Variants in HEPHL1 observed in about 807,000 individuals in gnomAD.
The protein encoded by HEPHL1 is hephaestin like 1, also known as ferroxidase HEPHL1.
Under a neutral mutation model 122.0 loss-of-function variants are expected in HEPHL1, and 123 were observed. The ratio of observed to expected loss-of-function variants is 1.01; its 90% CI spans 0.87 to 1.17. The LOEUF (loss-of-function observed/expected upper bound fraction) is 1.17. HEPHL1 is among the 50% of genes most tolerant of loss of function. The pLI, the probability that HEPHL1 is intolerant of heterozygous loss-of-function variation, is 0.00. For missense variants in HEPHL1, 1,452 were observed against 1,430.5 expected (o/e 1.01, Z -0.24); for synonymous variants, 527 against 508.9 (o/e 1.04, Z -0.48).
chr11:94,048,773 T>C (rs1040662966), intron 2 of HEPHL1, among the ~76,000 whole-genome samples: 1 of 151,396 alleles, frequency 6.6e-6, no homozygotes, highest in East Asian at 1.9e-4. Context: ...AAACCTTCTC[T>C]CTATCCTGTC....
Position 94,102,955 on chromosome 11 carries a change from G to C in HEPHL1, c.2617G>C (p.Gly873Arg). Residue 873 changes from glycine to arginine, a missense_variant, in exon 15 of 20, where the codon GGT becomes CGT. Transcript: ENST00000315765. ...TAGATGGAATATCCCTAAAAGATCC[G>C]GTCCAGGGCCTTCTGATCCCAATTG... is the stretch of plus-strand genomic sequence containing the variant. ...TYRWNIPKRS[G>R]PGPSDPNCIP... 2 of 1,608,596 alleles carry C rather than the reference G, an allele frequency of 1.2e-6. No homozygotes were observed. Among genetic ancestry groups the C allele is most frequent in the Middle Eastern group, 1.7e-4 (1 of 6,042 alleles).
At chr11:94,056,839 C>T (rs1945942314) in intron 2 of HEPHL1, among the ~76,000 whole-genome samples, 2 of 152,040 alleles carry the variant, frequency 1.3e-5, no homozygotes, top group South Asian at 4.1e-4. Context: ...TCATATATTT[C>T]CCATTTCTGG....
chr11:94,027,823 G>A (rs1263513015), intron 1 of HEPHL1, among the ~76,000 whole-genome samples: 1 of 152,164 alleles, frequency 6.6e-6, no homozygotes, highest in Non-Finnish European at 1.5e-5. Flanking sequence ...TGGTGCCAGG[G>A]ACCCAGAGTG....
At chr11:94,090,830 A>G (rs1180745634) in intron 12 of HEPHL1, among the ~76,000 whole-genome samples, 3 of 152,090 alleles carry the variant, frequency 2.0e-5, no homozygotes, top group Non-Finnish European at 4.4e-5. Context: ...TCCCTGAGAC[A>G]TTTATTATCC....
Position 94,029,284 on chromosome 11 carries a change from G to T in HEPHL1, c.170+7746G>T, listed in dbSNP as rs371013753. Among the ~76,000 whole-genome samples the T allele has an allele frequency of 5.9e-5, 9 of 152,290 alleles. No homozygotes were observed. The East Asian group carries it at 1.5e-3, about 26-fold the overall frequency. On this transcript the variant is annotated intron_variant, in intron 1 of 19. Transcript: ENST00000315765. ...GAGGAAGCTATGGGTTCTCTTCACTGTCTGAGCAGGAGGCTCCTCCTGCAG... is the reference window on the plus strand; with the variant it reads ...GAGGAAGCTATGGGTTCTCTTCACTTTCTGAGCAGGAGGCTCCTCCTGCAG...
At chr11:94,073,869 T>C (rs1946099237) in intron 8 of HEPHL1, among the ~76,000 whole-genome samples, 1 of 152,146 alleles carries the variant, frequency 6.6e-6, no homozygotes, top group South Asian at 2.1e-4. Context: ...TTACACATGG[T>C]CTTTGCTCTG....
intron 2 of HEPHL1, among the ~76,000 whole-genome samples, chr11:94,056,934 CT>C (rs1191943108): frequency 6.6e-6 from 1 of 151,856 alleles, no homozygotes; most frequent in Non-Finnish European, 1.5e-5. Flanking sequence ...TTTAGTATTC[CT>C]TGTAAGGCAG....
intron 13 of HEPHL1, among the ~76,000 whole-genome samples, chr11:94,095,705 G>A (rs111646393): frequency 1.8e-4 from 28 of 152,300 alleles, no homozygotes; most frequent in African/African-American, 6.5e-4. Flanking sequence ...TTGTTGAGCA[G>A]TGGTTTGTAG....
intron 10 of HEPHL1, among the ~76,000 whole-genome samples, chr11:94,084,314 C>A (rs1946198149): frequency 6.6e-6 from 1 of 150,702 alleles, no homozygotes; most frequent in Non-Finnish European, 1.5e-5. Context: ...GCCTGGGCAA[C>A]AGGGTAAGAC....
rs1194487219 is a variant in HEPHL1, at chr11:94,104,624, C to T, written c.2779C>T (p.Leu927Phe). The change falls in exon 16 of 20, where the codon CTC (leucine) becomes TTC (phenylalanine). Residue 927 changes from leucine (L) to phenylalanine (F), a missense_variant. Coordinates refer to ENST00000315765, the MANE Select transcript of HEPHL1 (RefSeq NM_001098672.2). ...RRSDVDYEFA[L>F]LFLVFNENES... ...AAGTGACGTTGATTATGAATTTGCT[C>T]TCTTGTTTTTGGTATTTAATGAGAA... is the stretch of plus-strand genomic sequence containing the variant. 1 of 1,613,740 alleles carries T rather than the reference C, an allele frequency of 6.2e-7. No homozygotes were observed. The highest frequency in any genetic ancestry group is 1.1e-5 in the South Asian group (1 of 91,070).
intron 15 of HEPHL1, among the ~76,000 whole-genome samples, chr11:94,104,238 GA>G (rs1436582963): frequency 6.6e-6 from 1 of 152,144 alleles, no homozygotes; most frequent in African/African-American, 2.4e-5. Context: ...GCCTAAGTCA[GA>G]AAATTTCATT....
In HEPHL1 at chr11:94,101,253, C is replaced by T. The variant is rs61729655; in HGVS notation, c.2493C>T (p.Ala831=). 6.1e-4 allele frequency: 981 copies of T among 1,613,972 alleles called. 11 individuals carry two copies. In the Admixed American group the frequency reaches 0.016, roughly 26 times the overall value. The change falls in exon 14 of 20, where the codon GCC becomes GCT. Residue 831 remains alanine (A), a synonymous_variant. Coordinates refer to ENST00000315765, the MANE Select transcript of HEPHL1 (RefSeq NM_001098672.2). ...NTVLIIFKNK[A]SRPYSISAQG... Reference sequence around the variant, plus strand: ...TCCTGATCATATTTAAGAACAAAGCCAGTAGGCCCTACTCCATCTCAGCCC... The same window carrying T: ...TCCTGATCATATTTAAGAACAAAGCTAGTAGGCCCTACTCCATCTCAGCCC...
At position 94,112,083 on chromosome 11, in the gene HEPHL1, G is replaced by A. The variant is rs1196069388; in HGVS notation, c.*189G>A. 7 of 421,838 alleles carry A rather than the reference G, an allele frequency of 1.7e-5. No individual in the cohort carries two copies. Among genetic ancestry groups the A allele is most frequent in the Admixed American group, 4.0e-5 (1 of 25,312 alleles). The allele number at this position is 421,838 out of a possible 1,614,324, so 26.1% of individuals were successfully genotyped here. A position where few individuals can be genotyped will look rare whatever the true frequency, so the allele number is the denominator to read the frequency against. ...ATTTATTTATTTTTAAATGGGCTGCGAATAATCCTCAGGTATAAAACACAG... is the reference window on the plus strand; with the variant it reads ...ATTTATTTATTTTTAAATGGGCTGCAAATAATCCTCAGGTATAAAACACAG... On this transcript the variant is annotated 3_prime_UTR_variant, in exon 20 of 20. Transcript: ENST00000315765.
In HEPHL1 at chr11:94,104,696, G is replaced by C. The variant is rs1271551974; in HGVS notation, c.2851G>C (p.Asp951His). 18 of 1,613,892 alleles carry C rather than the reference G, an allele frequency of 1.1e-5. No individual in the cohort carries two copies. The highest frequency in any genetic ancestry group is 1.4e-5 in the Non-Finnish European group (17 of 1,179,788). Reference sequence around the variant, plus strand: ...CAATATTAAGAAGTATCTCAACAAAGATCCACGAGATTTTAAGCGCACTGA... The same window carrying C: ...CAATATTAAGAAGTATCTCAACAAACATCCACGAGATTTTAAGCGCACTGA... ...DDNIKKYLNKDPRDFKRTDDF... is the reference protein window; with the variant it reads ...DDNIKKYLNKHPRDFKRTDDF... Residue 951 changes from aspartate (D) to histidine (H), a missense_variant, in exon 16 of 20, where the codon GAT (aspartate) becomes CAT (histidine). Transcript: ENST00000315765.
chr11:94,068,291 G>T (rs945558603), intron 5 of HEPHL1, among the ~76,000 whole-genome samples: 18 of 152,140 alleles, frequency 1.2e-4, no homozygotes, highest in African/African-American at 4.3e-4. Context: ...GGATAATAAG[G>T]ACCAATCCCC....
chr11:94,035,355 A>G (rs1226984074), intron 1 of HEPHL1, among the ~76,000 whole-genome samples: 1 of 152,200 alleles, frequency 6.6e-6, no homozygotes, highest in Non-Finnish European at 1.5e-5. Flanking sequence ...TTGTACTCAA[A>G]ACAACATCTA....
intron 1 of HEPHL1, among the ~76,000 whole-genome samples, chr11:94,028,792 G>T (rs1222058626): frequency 6.6e-6 from 1 of 152,120 alleles, no homozygotes; most frequent in Non-Finnish European, 1.5e-5. Context: ...TGCTTCATGG[G>T]GATGGCTCCC....
At chr11:94,038,077 A>T (rs1945742253) in intron 1 of HEPHL1, among the ~76,000 whole-genome samples, 1 of 149,068 alleles carries the variant, frequency 6.7e-6, no homozygotes. Context: ...AAGAATGCAG[A>T]AGCCTCAGGA....
Position 94,101,416 on chromosome 11 carries a change from G to T in HEPHL1, c.2575+81G>T. The T allele has an allele frequency of 2.9e-6, 4 of 1,393,130 alleles. No homozygotes were observed. The South Asian group carries it at 5.4e-5, about 19-fold the overall frequency. 86.3% of individuals were successfully genotyped at this position (1,393,130 alleles called of 1,614,324 possible). A position where few individuals can be genotyped will look rare whatever the true frequency, so the allele number is the denominator to read the frequency against. On this transcript the variant is annotated intron_variant, in intron 14 of 19. Transcript: ENST00000315765. ...TTTCTGGTCTCAGAGGTGTCTTAAA[G>T]AGCTCATCTTAATGTCAATGTGTTT...
Sources: gnomAD v4.1 joint callset for allele counts (sites outside exome capture counted in the v4.1 genomes callset) on GRCh38, gnomAD v4.1.1 for gene constraint, MANE v1.5 for transcripts, NCBI Gene and HGNC (gene_info 2026-07-23, HGNC 2026-07-21) for gene names.